The following GRM7 variants were observed in gnomAD, a reference collection of about 807,000 sequenced individuals.
GRM7 encodes the protein glutamate metabotropic receptor 7.
GRM7 carries 35 observed loss-of-function variants against 84.5 expected under a neutral mutation model. That is an observed-to-expected ratio of 0.41 (90% CI 0.32 to 0.55). The LOEUF (loss-of-function observed/expected upper bound fraction) is 0.55. Ranked by LOEUF, GRM7 falls within the 20% of genes least tolerant of loss-of-function variation. The pLI is 0.19. For missense variants in GRM7, 1,003 were observed against 1,194.6 expected, an observed-to-expected ratio of 0.84 and a Z score of 2.36; for synonymous variants, 487 against 455.1, an observed-to-expected ratio of 1.07 and a Z score of -0.89.
intron 1 of GRM7, among the ~76,000 whole-genome samples, chr3:7,135,519 G>T (rs181098278): frequency 6.6e-6 from 1 of 152,224 alleles, no homozygotes; most frequent in East Asian, 1.9e-4. Context: ...ATTTTGTTTT[G>T]CCTTTCTGTA....
At chr3:7,144,218 G>T (rs1694038123) in intron 1 of GRM7, among the ~76,000 whole-genome samples, 1 of 152,132 alleles carries the variant, frequency 6.6e-6, no homozygotes, top group Non-Finnish European at 1.5e-5. Context: ...ACTTGTGAGT[G>T]TTTATAGCTT....
intron 5 of GRM7, among the ~76,000 whole-genome samples, chr3:7,418,206 A>G (rs1575308096): frequency 6.6e-6 from 1 of 152,138 alleles, no homozygotes; most frequent in Non-Finnish European, 1.5e-5. Context: ...CTTGATACCA[A>G]ATCCCAAGAT....
intron 1 of GRM7, among the ~76,000 whole-genome samples, chr3:6,889,167 T>A (rs1365699231): frequency 6.6e-6 from 1 of 152,200 alleles, no homozygotes; most frequent in Non-Finnish European, 1.5e-5. Flanking sequence ...TACAATCATG[T>A]CACCTGCAAA....
intron 8 of GRM7, among the ~76,000 whole-genome samples, chr3:7,612,305 G>A (rs185038797): frequency 1.1e-3 from 164 of 152,258 alleles, no homozygotes; most frequent in Non-Finnish European, 9.4e-4. Context: ...ACTTCCTGGA[G>A]TTTATGTTCA....
intron 2 of GRM7, among the ~76,000 whole-genome samples, chr3:7,277,206 C>T (rs777405835): frequency 1.3e-5 from 2 of 151,950 alleles, no homozygotes; most frequent in Non-Finnish European, 2.9e-5. Flanking sequence ...TCCTTTCACA[C>T]TTAACTGGGT....
chr3:7,343,690 A>G (rs758320842), intron 4 of GRM7, among the ~76,000 whole-genome samples: 1 of 152,190 alleles, frequency 6.6e-6, no homozygotes, highest in Non-Finnish European at 1.5e-5. Flanking sequence ...TTTGCAACAC[A>G]ATGCTTCTTT....
At chr3:7,573,189 C>A in intron 7 of GRM7, among the ~76,000 whole-genome samples, 1 of 151,828 alleles carries the variant, frequency 6.6e-6, no homozygotes, top group Non-Finnish European at 1.5e-5. Context: ...ATGAATTCTT[C>A]CTAAAAAGCC....
At chr3:7,338,348 A>G (rs1354514807) in intron 4 of GRM7, among the ~76,000 whole-genome samples, 1 of 151,950 alleles carries the variant, frequency 6.6e-6, no homozygotes, top group Non-Finnish European at 1.5e-5. Context: ...CTTGGGGGGA[A>G]GTGTGAGAGG....
chr3:7,304,881 G>A (rs1010909479), intron 3 of GRM7, among the ~76,000 whole-genome samples: 1 of 151,710 alleles, frequency 6.6e-6, no homozygotes, highest in Admixed American at 6.6e-5. Flanking sequence ...TTTCTATTTG[G>A]CAATGGAGAT....
rs553206501 is a variant in GRM7, at chr3:6,927,287, G to T, written c.519+65380G>T. On this transcript the variant is annotated intron_variant, in intron 1 of 9. Coordinates refer to ENST00000357716, the MANE Select transcript of GRM7 (RefSeq NM_000844.4). ...TACTAAAAACACAAAAATTAGCCAG[G>T]CATGGTGGTGCATGCTTGTAATCCC... 1.2e-4 allele frequency among the ~76,000 whole-genome samples: 19 copies of T among 152,078 alleles called. No individual in the cohort carries two copies. The South Asian group carries it at 4.0e-3, about 32-fold the overall frequency.
intron 1 of GRM7, among the ~76,000 whole-genome samples, chr3:6,958,436 C>A (rs555565364): frequency 6.6e-6 from 1 of 152,136 alleles, no homozygotes; most frequent in African/African-American, 2.4e-5. Context: ...TGCTGATGGA[C>A]ATTTGAGAAA....
intron 8 of GRM7, among the ~76,000 whole-genome samples, chr3:7,587,814 G>A (rs1695587098): frequency 2.0e-5 from 3 of 152,170 alleles, no homozygotes; most frequent in African/African-American, 7.2e-5. Context: ...CCTGAAGGGT[G>A]CAGAAGAATG....
chr3:7,571,039 C>T (rs142720872), intron 7 of GRM7, among the ~76,000 whole-genome samples: 8 of 152,250 alleles, frequency 5.3e-5, no homozygotes, highest in East Asian at 1.9e-4. Flanking sequence ...AAGCTGGGAC[C>T]GCAGTGCACC....
chr3:7,084,823 A>G (rs569009220), intron 1 of GRM7, among the ~76,000 whole-genome samples: 90 of 152,266 alleles, frequency 5.9e-4, no homozygotes, highest in Non-Finnish European at 1.0e-3. Context: ...AGATTAAAGA[A>G]CTATTTAGGA....
intron 1 of GRM7, among the ~76,000 whole-genome samples, chr3:6,925,081 T>TA (rs1448406688): frequency 3.9e-5 from 6 of 152,026 alleles, no homozygotes; most frequent in Admixed American, 3.3e-4. Context: ...GAGAATGGAG[T>TA]AAAGAAAGAG....
intron 9 of GRM7, among the ~76,000 whole-genome samples, chr3:7,731,246 A>G (rs1702322098): frequency 6.6e-6 from 1 of 152,114 alleles, no homozygotes; most frequent in South Asian, 2.1e-4. Flanking sequence ...AAATCTGATG[A>G]GTTATAATAA....
chr3:7,197,242 A>G (rs780375744), intron 2 of GRM7, among the ~76,000 whole-genome samples: 4 of 152,180 alleles, frequency 2.6e-5, no homozygotes, highest in Non-Finnish European at 5.9e-5. Context: ...CCCAACTCCA[A>G]TGATATTGGC....
chr3:6,948,809 A>G (rs139251846), intron 1 of GRM7, among the ~76,000 whole-genome samples: 1,697 of 152,254 alleles, frequency 0.011, 31 homozygotes, highest in African/African-American at 0.038. Flanking sequence ...CCATTATGTA[A>G]TGGCCTTCTT....
At chr3:7,333,457 T>A (rs115312783) in intron 4 of GRM7, among the ~76,000 whole-genome samples, 3,867 of 152,302 alleles carry the variant, frequency 0.025, 104 homozygotes, top group Non-Finnish European at 0.035. Context: ...CATCGAGGGA[T>A]CGCCCCATGG....
Sources: allele counts gnomAD v4.1 joint callset (sites outside exome capture counted in the v4.1 genomes callset), GRCh38; gene constraint gnomAD v4.1.1; transcripts MANE v1.5; gene names NCBI Gene and HGNC (gene_info 2026-07-23, HGNC 2026-07-21).